The following MDGA2 variants were observed in gnomAD, a reference collection of about 807,000 sequenced individuals.
MDGA2 encodes MAM domain containing glycosylphosphatidylinositol anchor 2, also known as MAM domain-containing glycosylphosphatidylinositol anchor protein 2.
In MDGA2, 40 loss-of-function variants were observed where a neutral mutation model predicts 117.8. That is an observed-to-expected ratio of 0.34 (90% CI 0.26 to 0.44). The LOEUF (loss-of-function observed/expected upper bound fraction) is 0.44. Ranked by LOEUF, MDGA2 falls within the 20% of genes least tolerant of loss-of-function variation. The pLI, the probability that MDGA2 is intolerant of heterozygous loss-of-function variation, is 1.00. For missense variants in MDGA2, 1,123 were observed against 1,250.6 expected, an observed-to-expected ratio of 0.90 and a Z score of 1.54; for synonymous variants, 452 against 439.0, an observed-to-expected ratio of 1.03 and a Z score of -0.37.
intron 1 of MDGA2, among the ~76,000 whole-genome samples, chr14:47,333,036 T>G (rs950774920): frequency 6.6e-6 from 1 of 151,984 alleles, no homozygotes; most frequent in Non-Finnish European, 1.5e-5. Context: ...ATTTTCTTTA[T>G]CCAGTCATCT....
chr14:47,364,964 T>A (rs1891200348), intron 1 of MDGA2, among the ~76,000 whole-genome samples: 1 of 152,206 alleles, frequency 6.6e-6, no homozygotes, highest in South Asian at 2.1e-4. Flanking sequence ...TTACCCAATA[T>A]AACATTGCCT....
At chr14:47,528,401 T>C (rs939773204) in intron 1 of MDGA2, among the ~76,000 whole-genome samples, 2 of 152,202 alleles carry the variant, frequency 1.3e-5, no homozygotes, top group African/African-American at 2.4e-5. Flanking sequence ...TATTATCTCA[T>C]CAAACAGTCA....
At chr14:47,111,394 C>G (rs1349240621) in intron 5 of MDGA2, among the ~76,000 whole-genome samples, 4 of 151,172 alleles carry the variant, frequency 2.6e-5, no homozygotes, top group East Asian at 3.9e-4. Flanking sequence ...TGCTGCCTCT[C>G]TAACAGAAAG....
chr14:46,968,791 C>A (rs1357240364), intron 8 of MDGA2, among the ~76,000 whole-genome samples: 2 of 149,182 alleles, frequency 1.3e-5, no homozygotes, highest in East Asian at 2.0e-4. Flanking sequence ...GAGCTGAGAT[C>A]GTGCCACTGC....
At chr14:47,095,837 T>A (rs955107559) in intron 6 of MDGA2, among the ~76,000 whole-genome samples, 14 of 152,022 alleles carry the variant, frequency 9.2e-5, no homozygotes, top group Non-Finnish European at 1.8e-4. Flanking sequence ...CAAGTGTTTA[T>A]CTCTATACAT....
chr14:47,234,987 ATAAT>A (rs1366529467), intron 2 of MDGA2, among the ~76,000 whole-genome samples: 6 of 152,276 alleles, frequency 3.9e-5, no homozygotes, highest in African/African-American at 7.2e-5. Context: ...ATCTAATTAT[ATAAT>A]TAGAGTATGT....
chr14:46,848,647 TA>T (rs71112463), intron 15 of MDGA2, among the ~76,000 whole-genome samples: 26,692 of 129,602 alleles, frequency 0.21, 2,891 homozygotes, highest in Non-Finnish European at 0.28. Context: ...AGGCTTGTGC[TA>T]AAAAAAAAAA....
At chr14:46,942,952 T>C (rs1294534118) in intron 9 of MDGA2, among the ~76,000 whole-genome samples, 1 of 152,112 alleles carries the variant, frequency 6.6e-6, no homozygotes, top group Non-Finnish European at 1.5e-5. Context: ...AATATTAGTG[T>C]TTTTTATCTC....
chr14:47,247,472 T>G (rs1393712605), intron 2 of MDGA2, among the ~76,000 whole-genome samples: 2 of 151,088 alleles, frequency 1.3e-5, no homozygotes, highest in East Asian at 1.9e-4. Flanking sequence ...GCCCGCTAAT[T>G]TTGTAATTTT....
At chr14:47,612,757 T>C (rs1896875961) in intron 1 of MDGA2, among the ~76,000 whole-genome samples, 1 of 152,214 alleles carries the variant, frequency 6.6e-6, no homozygotes, top group Non-Finnish European at 1.5e-5. Flanking sequence ...ATGTGTTATA[T>C]ACAAGAAATT....
intron 9 of MDGA2, among the ~76,000 whole-genome samples, chr14:46,952,697 A>G (rs538867611): frequency 6.6e-6 from 1 of 152,120 alleles, no homozygotes; most frequent in African/African-American, 2.4e-5. Flanking sequence ...TAGCATAGAG[A>G]TATACAAAAA....
At chr14:47,247,888 T>C (rs563195193) in intron 2 of MDGA2, among the ~76,000 whole-genome samples, 10 of 151,340 alleles carry the variant, frequency 6.6e-5, no homozygotes, top group African/African-American at 1.9e-4. Flanking sequence ...AGTGAGAACA[T>C]GTAGTGTTTG....
In MDGA2 at chr14:47,255,001, G is replaced by A. The variant is rs75763172; in HGVS notation, c.421-36806C>T. 7.9e-3 allele frequency among the ~76,000 whole-genome samples: 1,206 copies of A among 152,206 alleles called. 10 individuals are homozygous for A. Among genetic ancestry groups the A allele is most frequent in the African/African-American group, 0.027 (1,129 of 41,538 alleles). Reference sequence around the variant, plus strand: ...TGACTATCAGGAAAATGGCATGAGCGAAACCTCCCCCATGATTCAATTACC... The same window carrying A: ...TGACTATCAGGAAAATGGCATGAGCAAAACCTCCCCCATGATTCAATTACC... On this transcript the variant is annotated intron_variant, in intron 2 of 16. Transcript: ENST00000399232.
chr14:47,291,271 C>T (rs1247844553), intron 2 of MDGA2, among the ~76,000 whole-genome samples: 2 of 152,144 alleles, frequency 1.3e-5, no homozygotes, highest in Non-Finnish European at 2.9e-5. Context: ...CCCATAGAAT[C>T]CAAAGGTCTA....
intron 1 of MDGA2, among the ~76,000 whole-genome samples, chr14:47,344,969 T>A (rs1890733235): frequency 6.6e-6 from 1 of 151,950 alleles, no homozygotes; most frequent in Non-Finnish European, 1.5e-5. Context: ...AGGAGAGACA[T>A]AGAAATGAAA....
At chr14:47,446,168 G>A (rs1043111222) in intron 1 of MDGA2, among the ~76,000 whole-genome samples, 4 of 152,156 alleles carry the variant, frequency 2.6e-5, no homozygotes, top group Non-Finnish European at 4.4e-5. Flanking sequence ...TATTAAAGAC[G>A]AAATTTTACA....
Position 47,602,664 on chromosome 14 carries a change from T to TA in MDGA2, c.280+71852dup, listed in dbSNP as rs528752668. 6.5e-4 allele frequency among the ~76,000 whole-genome samples: 99 copies of TA among 152,238 alleles called. 1 individual carries two copies. The highest frequency in any genetic ancestry group is 2.1e-3 in the African/African-American group (89 of 41,530). ...ATAAAAGTGACAGACAGAAAATTGT[T>TA]AGACTTTTTCCTTGAGGCCTCCAAT... On this transcript the variant is annotated intron_variant, in intron 1 of 16. Coordinates refer to ENST00000399232, the MANE Select transcript of MDGA2 (RefSeq NM_001113498.3).
At chr14:47,255,064 G>C (rs1887572890) in intron 2 of MDGA2, among the ~76,000 whole-genome samples, 1 of 152,058 alleles carries the variant, frequency 6.6e-6, no homozygotes, top group Non-Finnish European at 1.5e-5. Context: ...TGGGGATTAT[G>C]GGAACTACAG....
chr14:47,560,186 G>C lies in MDGA2; in HGVS notation c.280+114331C>G, dbSNP rs368993189. Among the ~76,000 whole-genome samples the C allele has an allele frequency of 1.2e-3, 188 of 151,768 alleles. 1 individual carries two copies. The highest frequency in any genetic ancestry group is 4.3e-3 in the African/African-American group (177 of 41,392). ...GGGTTCACGCCATTCTCCTGCGTCA[G>C]CCTTCCGAGTAGCTGGGACTACAGG... On this transcript the variant is annotated intron_variant, in intron 1 of 16. Coordinates refer to ENST00000399232, the MANE Select transcript of MDGA2 (RefSeq NM_001113498.3).
Sources: allele counts gnomAD v4.1 joint callset (sites outside exome capture counted in the v4.1 genomes callset), GRCh38; gene constraint gnomAD v4.1.1; transcripts MANE v1.5; gene names NCBI Gene and HGNC (gene_info 2026-07-23, HGNC 2026-07-21).